The following ROBO2 variants were observed in gnomAD, a reference collection of about 807,000 sequenced individuals.
ROBO2 encodes roundabout homolog 2.
ROBO2 carries 53 observed loss-of-function variants against 160.8 expected under a neutral mutation model. The ratio of observed to expected loss-of-function variants is 0.33; its 90% confidence interval spans 0.26 to 0.41. The LOEUF (loss-of-function observed/expected upper bound fraction) is 0.41. Ranked by LOEUF, ROBO2 falls within the 10% of genes least tolerant of loss-of-function variation. ROBO2 has a pLI of 1.00. For missense variants in ROBO2, 1,577 were observed against 1,722.4 expected, an observed-to-expected ratio of 0.92 and a Z score of 1.49; for synonymous variants, 664 against 611.7, an observed-to-expected ratio of 1.09 and a Z score of -1.26.
chr3:77,595,412 A>G (rs2094279466), intron 18 of ROBO2, among the ~76,000 whole-genome samples: 1 of 152,156 alleles, frequency 6.6e-6, no homozygotes, highest in Admixed American at 6.6e-5. Context: ...ATTAGTAGTA[A>G]ATATCACATG....
At chr3:76,935,322 C>T (rs1577620186) in intron 2 of ROBO2, among the ~76,000 whole-genome samples, 1 of 152,160 alleles carries the variant, frequency 6.6e-6, no homozygotes. Flanking sequence ...GCTCACGCTC[C>T]CTTAATGTTT....
intron 22 of ROBO2, among the ~76,000 whole-genome samples, chr3:77,621,199 G>C (rs1416328749): frequency 6.6e-6 from 1 of 152,152 alleles, no homozygotes; most frequent in Admixed American, 6.5e-5. Context: ...GCTGAGGCAG[G>C]ACGCTTGCTT....
At chr3:76,320,124 T>C (rs1301637432) in intron 2 of ROBO2, among the ~76,000 whole-genome samples, 7 of 152,182 alleles carry the variant, frequency 4.6e-5, no homozygotes, top group African/African-American at 1.7e-4. Flanking sequence ...TTTCATTTTG[T>C]AATGAAATTC....
At chr3:77,223,386 GGAGAA>G (rs745320071) in intron 2 of ROBO2, among the ~76,000 whole-genome samples, 4 of 143,710 alleles carry the variant, frequency 2.8e-5, no homozygotes, top group African/African-American at 5.1e-5. Flanking sequence ...TATTTTCCTA[GGAGAA>G]GAGAACAACT....
chr3:77,254,958 CTCTA>C (rs1250094111), intron 2 of ROBO2, among the ~76,000 whole-genome samples: 1 of 152,180 alleles, frequency 6.6e-6, no homozygotes, highest in Non-Finnish European at 1.5e-5. Flanking sequence ...GGGCAGGTTC[CTCTA>C]TCTGTCTTTT....
intron 2 of ROBO2, among the ~76,000 whole-genome samples, chr3:77,186,053 A>G (rs999093851): frequency 2.0e-5 from 3 of 152,054 alleles, no homozygotes; most frequent in Non-Finnish European, 4.4e-5. Flanking sequence ...GGGATGAAGG[A>G]TAAAAGACTA....
chr3:76,813,020 G>T (rs895104634), intron 2 of ROBO2, among the ~76,000 whole-genome samples: 4 of 130,386 alleles, frequency 3.1e-5, no homozygotes, highest in African/African-American at 8.7e-5. Context: ...ACATCTTATT[G>T]TTTGTACTGG....
At chr3:77,222,211 A>G (rs1017499) in intron 2 of ROBO2, among the ~76,000 whole-genome samples, 5,863 of 152,280 alleles carry the variant, frequency 0.039, 176 homozygotes, top group East Asian at 0.11. Context: ...TAGGTGGAAA[A>G]GAGATGTTAC....
chr3:77,602,492 G>T lies in ROBO2; in HGVS notation c.3136+1G>T. 1 of 1,614,048 alleles carries T rather than the reference G, an allele frequency of 6.2e-7. No individual in the cohort carries two copies. The highest frequency in any genetic ancestry group is 8.5e-7 in the Non-Finnish European group (1 of 1,179,984). The stretch of plus-strand genomic sequence containing the variant: ...CCTGATCAGAACAAAGGTAACAATG[G>T]TGAGTCAGGTTCTTGTGTCCTGAGG... On this transcript the variant is annotated splice_donor_variant, in intron 20 of 25. Transcript: ENST00000461745. LOFTEE classifies it high-confidence loss of function.
chr3:76,630,180 A>C (rs746409377), intron 2 of ROBO2, among the ~76,000 whole-genome samples: 9 of 152,170 alleles, frequency 5.9e-5, no homozygotes, highest in African/African-American at 1.7e-4. Context: ...TGTTCTCTCT[A>C]TGTCGGCTGG....
chr3:76,373,239 C>T (rs930932647), intron 2 of ROBO2, among the ~76,000 whole-genome samples: 2 of 151,854 alleles, frequency 1.3e-5, no homozygotes, highest in African/African-American at 4.8e-5. Context: ...TTGGCTTTTT[C>T]CTCTCCCTGC....
chr3:76,665,411 T>C (rs1168622838), intron 2 of ROBO2, among the ~76,000 whole-genome samples: 1 of 152,094 alleles, frequency 6.6e-6, no homozygotes, highest in East Asian at 1.9e-4. Context: ...ATATGAATCA[T>C]ATCTGATGTC....
At position 77,269,683 on chromosome 3, in the gene ROBO2, C is replaced by T. The variant is rs75565533; in HGVS notation, c.388+171343C>T. On this transcript the variant is annotated intron_variant, in intron 2 of 25. Transcript: ENST00000461745. ...TTAAAGCATAAATTACCAACTTTCC[C>T]GCATATACCATATGCACAAGGGAGG... Among the ~76,000 whole-genome samples the T allele has an allele frequency of 4.8e-3, 733 of 152,160 alleles. 7 individuals are homozygous for T. The highest frequency in any genetic ancestry group is 0.017 in the African/African-American group (697 of 41,524).
At chr3:76,092,062 A>G (rs958645083) in intron 2 of ROBO2, among the ~76,000 whole-genome samples, 1 of 152,136 alleles carries the variant, frequency 6.6e-6, no homozygotes, top group Admixed American at 6.5e-5. Context: ...GTGACAAACT[A>G]TGGACTTTGA....
At chr3:75,938,286 G>C (rs989952015) in intron 2 of ROBO2, among the ~76,000 whole-genome samples, 2 of 151,944 alleles carry the variant, frequency 1.3e-5, no homozygotes, top group African/African-American at 2.4e-5. Flanking sequence ...GCCAAATCTA[G>C]TATCTCTGAG....
intron 2 of ROBO2, among the ~76,000 whole-genome samples, chr3:76,014,930 AAAAT>A (rs988648784): frequency 5.9e-5 from 9 of 152,324 alleles, no homozygotes; most frequent in African/African-American, 1.4e-4. Context: ...CCTGTCTCTA[AAAAT>A]AAATAAATAA....
chr3:76,584,328 C>A (rs552408358), intron 2 of ROBO2, among the ~76,000 whole-genome samples: 3 of 57,130 alleles, frequency 5.3e-5, no homozygotes, highest in Admixed American at 1.7e-4. Flanking sequence ...ATATATGATT[C>A]CCCCCCAGAA....
At chr3:76,405,172 C>T (rs1192138124) in intron 2 of ROBO2, among the ~76,000 whole-genome samples, 1 of 151,396 alleles carries the variant, frequency 6.6e-6, no homozygotes, top group Non-Finnish European at 1.5e-5. Flanking sequence ...CAAATGAACA[C>T]AGATTTAAAT....
At chr3:77,092,432 G>A (rs1323316208) in intron 1 of ROBO2, among the ~76,000 whole-genome samples, 1 of 151,620 alleles carries the variant, frequency 6.6e-6, no homozygotes, top group Non-Finnish European at 1.5e-5. Flanking sequence ...GACAATTTAT[G>A]TGACAATTTC....
Sources: gnomAD v4.1 joint callset for allele counts (sites outside exome capture counted in the v4.1 genomes callset) on GRCh38, gnomAD v4.1.1 for gene constraint, MANE v1.5 for transcripts, NCBI Gene and HGNC (gene_info 2026-07-23, HGNC 2026-07-21) for gene names.